Variants in SNX14 observed in about 807,000 individuals in gnomAD.
SNX14 encodes the protein sorting nexin-14.
SNX14 carries 93 observed loss-of-function variants against 133.8 expected under a neutral mutation model. That is an observed-to-expected ratio of 0.70 (90% CI 0.59 to 0.83). The LOEUF (loss-of-function observed/expected upper bound fraction) is 0.83. Ranked by LOEUF, SNX14 falls within the 40% of genes least tolerant of loss-of-function variation. The pLI is 0.00. For missense variants in SNX14, 945 were observed against 1,094.9 expected (o/e 0.86, Z 1.93); for synonymous variants, 368 against 365.6 (o/e 1.01, Z -0.07).
At chr6:85,586,687 C>T (rs1305402016) in intron 1 of SNX14, among the ~76,000 whole-genome samples, 1 of 152,110 alleles carries the variant, frequency 6.6e-6, no homozygotes, top group Non-Finnish European at 1.5e-5. Context: ...TCCAGGAATC[C>T]TCCCACCTCA....
chr6:85,548,460 G>A (rs540746158), intron 8 of SNX14, 84 bp from the exon 9 acceptor site: 674 of 1,048,590 alleles, frequency 6.4e-4, no homozygotes, highest in Middle Eastern at 1.9e-3. Flanking sequence ...ATTACGTAAG[G>A]ATCTTGTTAA....
intron 18 of SNX14, among the ~76,000 whole-genome samples, chr6:85,532,694 T>C (rs1780651417): frequency 6.6e-6 from 1 of 152,138 alleles, no homozygotes; most frequent in South Asian, 2.1e-4. Flanking sequence ...AAGTGCAAAG[T>C]GGTGACTATT....
intron 21 of SNX14, 107 bp from the exon 22 acceptor site, chr6:85,518,155 A>G (rs904216977): frequency 1.2e-6 from 1 of 868,448 alleles, no homozygotes; most frequent in African/African-American, 1.7e-5. Flanking sequence ...CCAAGTTAAA[A>G]CTGTAAAAGT....
Position 85,538,661 on chromosome 6 carries a change from G to C in SNX14, c.1475+177C>G, listed in dbSNP as rs531423576. ...TGGCATATCATGCTATTTCAAAAAG[G>C]AGGTATGTAGAATAAAAGTAGGTAT... On this transcript the variant is annotated intron_variant, in intron 16 of 28. Coordinates refer to ENST00000314673, the MANE Select transcript of SNX14 (RefSeq NM_153816.6). Among the ~76,000 whole-genome samples, 91 of 152,202 alleles carry C rather than the reference G, an allele frequency of 6.0e-4. 1 individual carries two copies. Among genetic ancestry groups the C allele is most frequent in the South Asian group, 2.1e-4 (1 of 4,820 alleles).
At chr6:85,587,468 T>C (rs931495798) in intron 1 of SNX14, among the ~76,000 whole-genome samples, 2 of 152,192 alleles carry the variant, frequency 1.3e-5, no homozygotes, top group African/African-American at 2.4e-5. Context: ...AAAATAACTT[T>C]TAAAAAATTT....
At position 85,547,173 on chromosome 6, in the gene SNX14, A is replaced by C. The variant is rs1203441417; in HGVS notation, c.1047T>G (p.Arg349=). Residue 349 remains arginine, a synonymous_variant, in exon 12 of 29, where the codon CGT becomes CGG. Coordinates refer to ENST00000314673, the MANE Select transcript of SNX14 (RefSeq NM_153816.6). ...CTTCTTGTTTCAGAAAGTTCATAAA[A>C]CGAAATAAAAGATCTTGTTGCTCTC... The part of the protein sequence containing the change: ...QIREQQDLLF[R]FMNFLKQEGA... 1 of 1,614,084 alleles carries C rather than the reference A, an allele frequency of 6.2e-7. No homozygotes were observed. Among genetic ancestry groups the C allele is most frequent in the South Asian group, 1.1e-5 (1 of 91,078 alleles).
intron 8 of SNX14, 138 bp downstream of exon 8, chr6:85,549,585 A>T (rs1188800535): frequency 2.2e-6 from 1 of 464,346 alleles, no homozygotes; most frequent in African/African-American, 2.0e-5. Flanking sequence ...ATATATTAAT[A>T]ACTTAATAAA....
chr6:85,532,330 A>G (rs1029475766), intron 18 of SNX14, among the ~76,000 whole-genome samples: 1 of 152,232 alleles, frequency 6.6e-6, no homozygotes, highest in African/African-American at 2.4e-5. Flanking sequence ...ATCAGGCAGT[A>G]TGGTCTAAGA....
intron 1 of SNX14, among the ~76,000 whole-genome samples, chr6:85,587,682 G>A (rs746666166): frequency 1.7e-4 from 26 of 151,368 alleles, no homozygotes; most frequent in Non-Finnish European, 3.4e-4. Context: ...GGCTGGTCTC[G>A]AACTTCTGGG....
chr6:85,572,102 C>T lies in SNX14; in HGVS notation c.417+35G>A, dbSNP rs983669942. The T allele has an allele frequency of 2.6e-6, 4 of 1,551,276 alleles. No individual in the cohort carries two copies. The African/African-American group carries it at 4.2e-5, about 16-fold the overall frequency. On this transcript the variant is annotated intron_variant, in intron 4 of 28. Transcript: ENST00000314673. ...GGAAAATTTTTCCACAGGCATTTAACATTTTCTGTTAATAATATTAATTAA... is the reference window on the plus strand; with the variant it reads ...GGAAAATTTTTCCACAGGCATTTAATATTTTCTGTTAATAATATTAATTAA...
intron 8 of SNX14, among the ~76,000 whole-genome samples, chr6:85,548,660 G>A (rs1004046673): frequency 6.6e-6 from 1 of 151,998 alleles, no homozygotes; most frequent in Non-Finnish European, 1.5e-5. Flanking sequence ...GGAGGAACTT[G>A]GGGGACATTA....
At chr6:85,561,003 C>T (rs1317533668) in intron 6 of SNX14, among the ~76,000 whole-genome samples, 26 of 147,074 alleles carry the variant, frequency 1.8e-4, no homozygotes, top group African/African-American at 5.3e-4. Context: ...CACTGCACTC[C>T]AGCCTGGGTG....
intron 28 of SNX14, among the ~76,000 whole-genome samples, chr6:85,506,518 G>A (rs149372839): frequency 4.6e-5 from 7 of 152,194 alleles, no homozygotes; most frequent in East Asian, 3.9e-4. Flanking sequence ...GGGTTTCACC[G>A]TGTTAGCTAG....
intron 14 of SNX14, among the ~76,000 whole-genome samples, chr6:85,542,551 C>T (rs939662228): frequency 7.2e-5 from 11 of 151,996 alleles, no homozygotes; most frequent in Admixed American, 5.2e-4. Context: ...CCCGCCACCA[C>T]GCCCAGCTAG....
chr6:85,585,461 A>C (rs147179585), intron 1 of SNX14, among the ~76,000 whole-genome samples: 1 of 152,186 alleles, frequency 6.6e-6, no homozygotes. Context: ...TGGGGGGAAA[A>C]ACAATAAATC....
At chr6:85,537,115 T>G (rs1782215435) in intron 16 of SNX14, 191 bp from the exon 17 acceptor site, 1 of 443,878 alleles carries the variant, frequency 2.3e-6, no homozygotes. Context: ...TGACACAGTA[T>G]TTAAAGTTTA....
chr6:85,593,570 C>T lies in SNX14; in HGVS notation c.140+9G>A, dbSNP rs751616334. The stretch of plus-strand genomic sequence containing the variant: ...AAGCCGCCGCCCAGGCTCCGCGCTG[C>T]GGCGTTACCTGTTAAGAAGCAGGGA... On this transcript the variant is annotated intron_variant, in intron 1 of 28. Coordinates refer to ENST00000314673, the MANE Select transcript of SNX14 (RefSeq NM_153816.6). 13 of 1,605,574 alleles carry T rather than the reference C, an allele frequency of 8.1e-6. No individual in the cohort carries two copies. In the Admixed American group the frequency reaches 2.2e-4, roughly 27 times the overall value.
intron 19 of SNX14, among the ~76,000 whole-genome samples, chr6:85,529,191 C>T (rs1779441722): frequency 1.3e-5 from 2 of 152,064 alleles, no homozygotes; most frequent in African/African-American, 4.8e-5. Flanking sequence ...ACCCAGGAGG[C>T]AGAGGTTGCC....
At chr6:85,560,855 G>C (rs1183471764) in intron 6 of SNX14, among the ~76,000 whole-genome samples, 1 of 151,804 alleles carries the variant, frequency 6.6e-6, no homozygotes, top group Non-Finnish European at 1.5e-5. Context: ...CCAACATAGT[G>C]AAACTCTGTC....
Sources: allele counts gnomAD v4.1 joint callset (sites outside exome capture counted in the v4.1 genomes callset), GRCh38; gene constraint gnomAD v4.1.1; transcripts MANE v1.5; gene names NCBI Gene and HGNC (gene_info 2026-07-23, HGNC 2026-07-21).